Variants in KCNT2 observed in about 807,000 individuals in gnomAD.
KCNT2 encodes the protein potassium channel subfamily T member 2.
Under a neutral mutation model 153.8 loss-of-function variants are expected in KCNT2, and 67 were observed. The ratio of observed to expected loss-of-function variants is 0.44; its 90% confidence interval spans 0.36 to 0.53. KCNT2 has a LOEUF of 0.53. KCNT2 is among the 20% of genes least tolerant of loss of function. The probability of loss-of-function intolerance (pLI) is 0.00; values close to 1 mark genes in which losing one functional copy is unlikely to be tolerated. For synonymous variants in KCNT2, 500 were observed against 458.8 expected (o/e 1.09, Z -1.15); for missense variants, 975 against 1,354.8 (o/e 0.72, Z 4.40).
rs199836975 is a variant in KCNT2 at position 196,570,067 on chromosome 1, T to TAAAAA, written c.95+38143_95+38147dup. ...TGAGTCCAGGAAGCTTGAGCTAGAG[T>TAAAAA]AAAAAAAAAAAAAAAAAAAAAAAAA... is the stretch of plus-strand genomic sequence containing the variant. On this transcript the variant is annotated intron_variant, in intron 1 of 27. Transcript: ENST00000294725. 5.9e-3 allele frequency among the ~76,000 whole-genome samples: 789 copies of TAAAAA among 133,446 alleles called. 43 individuals carry two copies. The highest frequency in any genetic ancestry group is 0.027 in the African/African-American group (733 of 27,288). 87.5% of individuals were successfully genotyped at this position (133,446 alleles called of 152,430 possible). A position where few individuals can be genotyped will look rare whatever the true frequency, so the allele number is the denominator to read the frequency against.
chr1:196,298,289 C>T (rs1420755890), intron 22 of KCNT2, among the ~76,000 whole-genome samples: 1 of 152,138 alleles, frequency 6.6e-6, no homozygotes, highest in Non-Finnish European at 1.5e-5. Context: ...TAAACACCAG[C>T]CATAAGTCCT....
At chr1:196,269,895 C>T (rs1657907895) in intron 25 of KCNT2, among the ~76,000 whole-genome samples, 1 of 152,038 alleles carries the variant, frequency 6.6e-6, no homozygotes, top group African/African-American at 2.4e-5. Context: ...TTGTAACGTA[C>T]TCATAACTTT....
At chr1:196,364,315 C>T (rs1434727047) in intron 14 of KCNT2, among the ~76,000 whole-genome samples, 1 of 152,006 alleles carries the variant, frequency 6.6e-6, no homozygotes, top group Non-Finnish European at 1.5e-5. Context: ...TATGTTTAAC[C>T]TAATATTTCC....
intron 26 of KCNT2, among the ~76,000 whole-genome samples, chr1:196,250,072 T>C (rs1401522770): frequency 6.6e-6 from 1 of 152,092 alleles, no homozygotes; most frequent in East Asian, 1.9e-4. Flanking sequence ...ATACCAATGA[T>C]ATTCTTCACA....
At chr1:196,511,377 T>C (rs1681616129) in intron 1 of KCNT2, among the ~76,000 whole-genome samples, 1 of 152,124 alleles carries the variant, frequency 6.6e-6, no homozygotes, top group Non-Finnish European at 1.5e-5. Flanking sequence ...CACAGAAATC[T>C]GCCACAAAAA....
chr1:196,309,515 T>A (rs1246388363), intron 21 of KCNT2, among the ~76,000 whole-genome samples: 1 of 151,898 alleles, frequency 6.6e-6, no homozygotes, highest in African/African-American at 2.4e-5. Context: ...CTCCCATTTC[T>A]GTTCTACATA....
At position 196,303,135 on chromosome 1, in the gene KCNT2, C is replaced by A. The variant is rs1661338928; in HGVS notation, c.2595+2099G>T. Among the ~76,000 whole-genome samples, 3 of 151,986 alleles carry A rather than the reference C, an allele frequency of 2.0e-5. No individual in the cohort carries two copies. The South Asian group carries it at 6.2e-4, about 32-fold the overall frequency. On this transcript the variant is annotated intron_variant, in intron 22 of 27. Coordinates refer to ENST00000294725, the MANE Select transcript of KCNT2 (RefSeq NM_198503.5). Reference sequence around the variant, plus strand: ...AAAAACTTGTAACTGGAAATCCTTTCTCTGTCCCTGAGATGGATGCAAATC... The same window carrying A: ...AAAAACTTGTAACTGGAAATCCTTTATCTGTCCCTGAGATGGATGCAAATC...
intron 1 of KCNT2, among the ~76,000 whole-genome samples, chr1:196,518,308 A>G (rs1327692392): frequency 6.6e-6 from 1 of 152,130 alleles, no homozygotes; most frequent in African/African-American, 2.4e-5. Flanking sequence ...TAATAAAAAC[A>G]AAGCTAAGTA....
intron 8 of KCNT2, among the ~76,000 whole-genome samples, chr1:196,446,733 C>A (rs1675717755): frequency 6.6e-6 from 1 of 151,496 alleles, no homozygotes; most frequent in Non-Finnish European, 1.5e-5. Context: ...ACATTTAAAA[C>A]CTAGTGAACT....
intron 14 of KCNT2, among the ~76,000 whole-genome samples, chr1:196,346,816 T>C (rs1006131153): frequency 6.6e-6 from 1 of 152,196 alleles, no homozygotes; most frequent in African/African-American, 2.4e-5. Context: ...CCAACACCAA[T>C]TGCAGCAGAA....
intron 9 of KCNT2, 122 bp from the exon 10 acceptor site, chr1:196,428,391 T>G: frequency 1.5e-6 from 1 of 674,510 alleles, no homozygotes; most frequent in South Asian, 1.9e-5. Flanking sequence ...GAGATTCTAA[T>G]TGTCAGTATT....
In KCNT2 at chr1:196,228,204, A is replaced by T. The variant is rs775385182; in HGVS notation, c.*20T>A. 4 of 1,477,834 alleles carry T rather than the reference A, an allele frequency of 2.7e-6. No individual in the cohort carries two copies. The highest frequency in any genetic ancestry group is 2.3e-5 in the East Asian group (1 of 44,082). 91.5% of individuals were successfully genotyped at this position (1,477,834 alleles called of 1,614,324 possible). On this transcript the variant is annotated 3_prime_UTR_variant, in exon 28 of 28. Transcript: ENST00000294725. ...TCAAGCAAGGTCTTTGTAGGAAAAAAGTTTCTCATTTTATTTTTATCAAAG... is the reference window on the plus strand; with the variant it reads ...TCAAGCAAGGTCTTTGTAGGAAAAATGTTTCTCATTTTATTTTTATCAAAG...
chr1:196,232,166 T>G (rs973012813), intron 27 of KCNT2, among the ~76,000 whole-genome samples: 2 of 151,820 alleles, frequency 1.3e-5, no homozygotes, highest in African/African-American at 4.8e-5. Flanking sequence ...TTGTCATCTA[T>G]GCACACTGCT....
intron 26 of KCNT2, among the ~76,000 whole-genome samples, chr1:196,249,622 A>G (rs1158214736): frequency 6.6e-6 from 1 of 151,902 alleles, no homozygotes; most frequent in Non-Finnish European, 1.5e-5. Context: ...AAAATACAAA[A>G]ATTAGCTGGG....
intron 16 of KCNT2, among the ~76,000 whole-genome samples, chr1:196,338,164 G>T (rs1665223368): frequency 6.6e-6 from 1 of 152,042 alleles, no homozygotes; most frequent in South Asian, 2.1e-4. Context: ...GTGATATTTT[G>T]ACTAAGATAT....
chr1:196,335,014 G>T (rs1664879962), intron 16 of KCNT2, among the ~76,000 whole-genome samples: 2 of 152,130 alleles, frequency 1.3e-5, no homozygotes, highest in Admixed American at 1.3e-4. Context: ...ATAGAAGGCA[G>T]AAGAAGCAAT....
intron 26 of KCNT2, 157 bp downstream of exon 26, chr1:196,258,037 A>T: frequency 7.0e-7 from 1 of 1,426,402 alleles, no homozygotes; most frequent in South Asian, 1.6e-5. Context: ...TATCATCATC[A>T]TTTAAATTTT....
intron 1 of KCNT2, among the ~76,000 whole-genome samples, chr1:196,521,438 C>T (rs1168149114): frequency 6.6e-6 from 1 of 152,142 alleles, no homozygotes; most frequent in African/African-American, 2.4e-5. Flanking sequence ...CCAACAATCC[C>T]ATTACTGGGT....
At chr1:196,385,766 T>TAAAA (rs11455621) in intron 13 of KCNT2, among the ~76,000 whole-genome samples, 128 of 145,048 alleles carry the variant, frequency 8.8e-4, no homozygotes, top group South Asian at 3.9e-3. Flanking sequence ...ATTTCTGCAT[T>TAAAA]AAAAAAATAT....
Sources: allele counts gnomAD v4.1 joint callset (sites outside exome capture counted in the v4.1 genomes callset), GRCh38; gene constraint gnomAD v4.1.1; transcripts MANE v1.5; gene names NCBI Gene and HGNC (gene_info 2026-07-23, HGNC 2026-07-21).